Variants in HP1BP3 observed in about 807,000 individuals in gnomAD.
HP1BP3 encodes the protein heterochromatin protein 1 binding protein 3.
Under a neutral mutation model 62.5 loss-of-function variants are expected in HP1BP3, and 12 were observed. That is an observed-to-expected ratio of 0.19 (90% CI 0.12 to 0.31). The LOEUF is 0.31. Ranked by LOEUF, HP1BP3 falls within the 10% of genes least tolerant of loss-of-function variation. HP1BP3 has a pLI of 1.00. For synonymous variants in HP1BP3, 260 were observed against 237.8 expected (o/e 1.09, Z -0.86); for missense variants, 502 against 651.8 (o/e 0.77, Z 2.50).
At chr1:20,754,476 T>C (rs12129758) in intron 9 of HP1BP3, among the ~76,000 whole-genome samples, 8,472 of 152,018 alleles carry the variant, frequency 0.056, 310 homozygotes, top group Non-Finnish European at 0.082. Flanking sequence ...TTTGGTTTTT[T>C]TTTTTTGGCA....
chr1:20,751,988 A>G (rs1008544096), intron 9 of HP1BP3, among the ~76,000 whole-genome samples: 2 of 151,942 alleles, frequency 1.3e-5, no homozygotes, highest in Non-Finnish European at 1.5e-5. Context: ...TGCCAGACGC[A>G]GTGGCTCATG....
chr1:20,761,605 A>G (rs879638297), intron 8 of HP1BP3, among the ~76,000 whole-genome samples: 5 of 152,334 alleles, frequency 3.3e-5, no homozygotes, highest in African/African-American at 9.6e-5. Context: ...ATCCGTATAC[A>G]CGAATCTGAA....
intron 8 of HP1BP3, among the ~76,000 whole-genome samples, chr1:20,762,430 T>G (rs2056536391): frequency 6.6e-6 from 1 of 152,062 alleles, no homozygotes; most frequent in African/African-American, 2.4e-5. Context: ...GGGGAAGATA[T>G]GGTCTCCACT....
At position 20,741,456 on chromosome 1, in the gene HP1BP3, T is replaced by A. The variant is rs1000819105; in HGVS notation, c.*3341A>T. Among the ~76,000 whole-genome samples, 1 of 152,240 alleles carries A rather than the reference T, an allele frequency of 6.6e-6. No individual in the cohort carries two copies. Among genetic ancestry groups the A allele is most frequent in the African/African-American group, 2.4e-5 (1 of 41,464 alleles). On this transcript the variant is annotated 3_prime_UTR_variant, in exon 13 of 13. Transcript: ENST00000438032. ...AAAAGGTGTTAGCAGATTGTTTAGTTTTGTTTTCATGTCATTTTCCTGTTA... is the reference window on the plus strand; with the variant it reads ...AAAAGGTGTTAGCAGATTGTTTAGTATTGTTTTCATGTCATTTTCCTGTTA...
intron 9 of HP1BP3, 118 bp downstream of exon 9, chr1:20,757,048 A>G (rs1264693097): frequency 1.2e-5 from 7 of 596,208 alleles, no homozygotes; most frequent in African/African-American, 1.9e-5. Flanking sequence ...GTTGACAGAT[A>G]TAACCCACAT....
intron 4 of HP1BP3, 27 bp from the exon 5 acceptor site, chr1:20,773,637 G>T: frequency 6.7e-7 from 1 of 1,482,064 alleles, no homozygotes; most frequent in Non-Finnish European, 9.1e-7. Flanking sequence ...TGTTATTATA[G>T]AAGATAAGCT....
At chr1:20,763,851 C>T (rs946316990) in intron 8 of HP1BP3, among the ~76,000 whole-genome samples, 1 of 152,122 alleles carries the variant, frequency 6.6e-6, no homozygotes, top group African/African-American at 2.4e-5. Context: ...AGCCTGAATT[C>T]TCATGAAATA....
intron 3 of HP1BP3, among the ~76,000 whole-genome samples, chr1:20,779,395 G>T (rs2057443614): frequency 1.3e-5 from 2 of 152,114 alleles, no homozygotes; most frequent in Admixed American, 6.6e-5. Flanking sequence ...ACCTGTTATA[G>T]ATCAACAGAT....
At chr1:20,749,041 G>A (rs2055535865) in intron 10 of HP1BP3, among the ~76,000 whole-genome samples, 1 of 152,154 alleles carries the variant, frequency 6.6e-6, no homozygotes, top group African/African-American at 2.4e-5. Flanking sequence ...TAAGTAGTAA[G>A]TACTCTAAAA....
chr1:20,759,164 G>A (rs1028773473), intron 8 of HP1BP3, among the ~76,000 whole-genome samples: 3 of 152,192 alleles, frequency 2.0e-5, no homozygotes, highest in Admixed American at 6.5e-5. Flanking sequence ...ACTCTGGGGG[G>A]CCGAGGCCGG....
intron 9 of HP1BP3, among the ~76,000 whole-genome samples, chr1:20,756,330 T>A (rs36051242): frequency 0.028 from 4,244 of 152,202 alleles, 90 homozygotes; most frequent in Middle Eastern, 0.048. Context: ...CTGGAACAGA[T>A]ACTAGCTGTC....
intron 9 of HP1BP3, chr1:20,750,293 C>G (rs2055629523): frequency 1.7e-5 from 2 of 114,938 alleles, no homozygotes; most frequent in African/African-American, 6.3e-5. Context: ...ACCAGCCTGG[C>G]CAACATGGCG....
intron 6 of HP1BP3, among the ~76,000 whole-genome samples, chr1:20,769,996 C>T (rs1260010064): frequency 6.6e-6 from 1 of 152,120 alleles, no homozygotes; most frequent in Admixed American, 6.5e-5. Flanking sequence ...TTGCCACTAC[C>T]GTAAGACCTT....
intron 8 of HP1BP3, among the ~76,000 whole-genome samples, chr1:20,761,170 G>T (rs2056447090): frequency 6.6e-6 from 1 of 151,944 alleles, no homozygotes; most frequent in Admixed American, 6.6e-5. Context: ...TTGGCCTCTT[G>T]AGTAGCTGGA....
At position 20,741,454 on chromosome 1, in the gene HP1BP3, GT is replaced by G. The variant is rs1204411062; in HGVS notation, c.*3342del. Among the ~76,000 whole-genome samples the G allele has an allele frequency of 6.6e-6, 1 of 152,192 alleles. No individual in the cohort carries two copies. Among genetic ancestry groups the G allele is most frequent in the Non-Finnish European group, 1.5e-5 (1 of 68,028 alleles). On this transcript the variant is annotated 3_prime_UTR_variant, in exon 13 of 13. Coordinates refer to ENST00000438032, the MANE Select transcript of HP1BP3 (RefSeq NM_001372052.1). ...TCAAAAGGTGTTAGCAGATTGTTTA[GT>G]TTTGTTTTCATGTCATTTTCCTGTT...
At position 20,747,472 on chromosome 1, in the gene HP1BP3, T is replaced by C. The variant is rs556426785; in HGVS notation, c.1253+72A>G. ...CAGTTCACTAAAACAGTAATAAGGG[T>C]AAAATAAATTAAACTGAGTGTGTAA... is the stretch of plus-strand genomic sequence containing the variant. On this transcript the variant is annotated intron_variant, in intron 11 of 12. Transcript: ENST00000438032. 2.5e-5 allele frequency: 24 copies of C among 944,014 alleles called. No homozygotes were observed. In the South Asian group the frequency reaches 3.2e-4, roughly 12 times the overall value. 58.5% of individuals were successfully genotyped at this position (944,014 alleles called of 1,614,324 possible). A position where few individuals can be genotyped will look rare whatever the true frequency, so the allele number is the denominator to read the frequency against.
At chr1:20,779,771 TAA>T (rs1206126584) in intron 3 of HP1BP3, 39 bp downstream of exon 3, 1 of 1,347,950 alleles carries the variant, frequency 7.4e-7, no homozygotes, top group African/African-American at 1.5e-5. Flanking sequence ...AATTGCAGTA[TAA>T]CTTTTGATGT....
At chr1:20,756,223 T>C (rs1435227895) in intron 9 of HP1BP3, among the ~76,000 whole-genome samples, 1 of 152,234 alleles carries the variant, frequency 6.6e-6, no homozygotes, top group Non-Finnish European at 1.5e-5. Flanking sequence ...GAATAATTTC[T>C]ACAACTATCT....
In HP1BP3 at chr1:20,745,662, C is replaced by T. The variant is rs777464207; in HGVS notation, c.1254-6G>A. The stretch of plus-strand genomic sequence containing the variant: ...TCGGAAACAGAACTCCTGGGCTATA[C>T]GGGGAAAAATTAGATTAAAACACAA... On this transcript the variant is annotated splice_region_variant and splice_polypyrimidine_tract_variant and intron_variant, in intron 11 of 12. Transcript: ENST00000438032. 2.1e-5 allele frequency: 34 copies of T among 1,612,392 alleles called. No homozygotes were observed. Among genetic ancestry groups the T allele is most frequent in the East Asian group, 1.1e-4 (5 of 44,878 alleles).
Sources: gnomAD v4.1 joint callset for allele counts (sites outside exome capture counted in the v4.1 genomes callset) on GRCh38, gnomAD v4.1.1 for gene constraint, MANE v1.5 for transcripts, NCBI Gene and HGNC (gene_info 2026-07-23, HGNC 2026-07-21) for gene names.